Variants in SDC1 observed in about 807,000 individuals in gnomAD.
The protein encoded by SDC1 is syndecan 1.
Under a neutral mutation model 29.7 loss-of-function variants are expected in SDC1, and 14 were observed. The observed-to-expected ratio is 0.47, with a 90% CI of 0.31 to 0.74. The LOEUF is 0.74. Among genes scored for constraint, SDC1 ranks in the 30% least tolerant of loss-of-function variants. The pLI is 0.05. For synonymous variants in SDC1, 204 were observed against 175.5 expected (o/e 1.16, Z -1.29); for missense variants, 406 against 400.3 (o/e 1.01, Z -0.12).
chr2:20,223,343 G>GGA, intron 1 of SDC1: 1 of 1,247,342 alleles, frequency 8.0e-7, no homozygotes, highest in African/African-American at 1.5e-5. Context: ...CAACGCTTAC[G>GGA]GAGGGTCAGC....
At chr2:20,209,121 A>G (rs1321469971) in intron 1 of SDC1, among the ~76,000 whole-genome samples, 3 of 152,076 alleles carry the variant, frequency 2.0e-5, no homozygotes, top group Admixed American at 2.0e-4. Flanking sequence ...TACCCTGGGG[A>G]CCCTGGAGAG....
intron 1 of SDC1, among the ~76,000 whole-genome samples, chr2:20,223,846 T>A (rs939615592): frequency 6.6e-6 from 1 of 152,126 alleles, no homozygotes; most frequent in African/African-American, 2.4e-5. Context: ...CGTCCCTCTT[T>A]AGTGGAGCGT....
intron 1 of SDC1, among the ~76,000 whole-genome samples, chr2:20,209,389 C>G (rs1281775886): frequency 6.6e-6 from 1 of 152,226 alleles, no homozygotes; most frequent in Non-Finnish European, 1.5e-5. Context: ...ATCCCCTTCT[C>G]TCTCCCCAGC....
At chr2:20,223,102 C>T (rs1298593519) in intron 1 of SDC1, 3 of 437,030 alleles carry the variant, frequency 6.9e-6, no homozygotes, top group Admixed American at 3.5e-5. Flanking sequence ...AATCATGGCC[C>T]TCCCCGTGCT....
At chr2:20,218,339 A>G in intron 1 of SDC1, among the ~76,000 whole-genome samples, 1 of 152,236 alleles carries the variant, frequency 6.6e-6, no homozygotes, top group African/African-American at 2.4e-5. Context: ...GAAAAAGAGA[A>G]AAGGCCACCA....
At chr2:20,220,564 A>G (rs557078358) in intron 1 of SDC1, among the ~76,000 whole-genome samples, 3 of 152,368 alleles carry the variant, frequency 2.0e-5, no homozygotes, top group African/African-American at 7.2e-5. Flanking sequence ...AACCTTAATT[A>G]TATCGACAGC....
At chr2:20,205,692 C>T (rs1477787660) in intron 1 of SDC1, among the ~76,000 whole-genome samples, 2 of 152,066 alleles carry the variant, frequency 1.3e-5, no homozygotes, top group African/African-American at 4.8e-5. Context: ...CCCTGAGAAG[C>T]TCAGTCTGGT....
At chr2:20,217,309 T>C (rs1435421528) in intron 1 of SDC1, among the ~76,000 whole-genome samples, 1 of 152,132 alleles carries the variant, frequency 6.6e-6, no homozygotes, top group African/African-American at 2.4e-5. Context: ...CTGGACCAGA[T>C]ATGGAACTCT....
At chr2:20,205,307 C>T (rs565498567) in intron 2 of SDC1, 36 bp downstream of exon 2, 7 of 1,522,108 alleles carry the variant, frequency 4.6e-6, no homozygotes, top group South Asian at 1.1e-5. Context: ...GACCTGTTGC[C>T]GTCTTGGGTG....
chr2:20,216,346 G>GA (rs538340212), intron 1 of SDC1, among the ~76,000 whole-genome samples: 190 of 152,198 alleles, frequency 1.2e-3, no homozygotes, highest in Non-Finnish European at 2.1e-3. Context: ...TTGCCGCCCG[G>GA]ACCCTCCCCG....
At position 20,202,046 on chromosome 2, in the gene SDC1, A is replaced by G. The variant is rs1226267302; in HGVS notation, c.*720T>C. On this transcript the variant is annotated 3_prime_UTR_variant, in exon 5 of 5. Coordinates refer to ENST00000254351, the MANE Select transcript of SDC1 (RefSeq NM_002997.5). ...CACATGAGCGACAAACTCAAGAGACAACACACAAACTAAGCCTACATTTTG... is the reference window on the plus strand; with the variant it reads ...CACATGAGCGACAAACTCAAGAGACGACACACAAACTAAGCCTACATTTTG... The G allele has an allele frequency of 3.8e-6, 2 of 533,228 alleles. No homozygotes were observed. The highest frequency in any genetic ancestry group is 3.9e-5 in the African/African-American group (2 of 50,908). The allele number at this position is 533,228 out of a possible 1,614,324, so 33.0% of individuals were successfully genotyped here.
intron 1 of SDC1, among the ~76,000 whole-genome samples, chr2:20,217,876 A>G (rs1429583194): frequency 1.3e-5 from 2 of 152,076 alleles, no homozygotes; most frequent in Admixed American, 6.5e-5. Flanking sequence ...GGAGAACATC[A>G]TACAGCCCCA....
intron 1 of SDC1, among the ~76,000 whole-genome samples, chr2:20,213,039 C>T (rs1283246742): frequency 6.6e-6 from 1 of 152,226 alleles, no homozygotes. Flanking sequence ...CCCTGCACCG[C>T]ACTGCCTGCT....
chr2:20,207,632 G>A (rs1677321837), intron 1 of SDC1, among the ~76,000 whole-genome samples: 1 of 152,210 alleles, frequency 6.6e-6, no homozygotes, highest in African/African-American at 2.4e-5. Context: ...CTGAATCCGG[G>A]AGGCAAGAGG....
intron 1 of SDC1, among the ~76,000 whole-genome samples, chr2:20,222,443 G>C (rs1181306279): frequency 6.6e-6 from 1 of 152,156 alleles, no homozygotes; most frequent in Non-Finnish European, 1.5e-5. Flanking sequence ...AGAGGAAGAG[G>C]GCAGAACTGG....
intron 2 of SDC1, 116 bp from the exon 3 acceptor site, chr2:20,204,407 CT>C: frequency 8.5e-6 from 6 of 709,118 alleles, no homozygotes; most frequent in Non-Finnish European, 1.5e-5. Flanking sequence ...CAAGCTCAGG[CT>C]ATGAGGGAGG....
intron 1 of SDC1, among the ~76,000 whole-genome samples, chr2:20,216,025 G>A (rs557202472): frequency 1.3e-5 from 2 of 152,236 alleles, no homozygotes; most frequent in African/African-American, 4.8e-5. Context: ...CTCCAGACAA[G>A]ATCTCTAAGA....
chr2:20,213,751 C>T (rs1160822888), intron 1 of SDC1, among the ~76,000 whole-genome samples: 4 of 152,216 alleles, frequency 2.6e-5, no homozygotes, highest in Admixed American at 6.5e-5. Flanking sequence ...ACCTGGGGAC[C>T]GGGGCACCTC....
rs573161355 is a variant in SDC1 at position 20,221,545 on chromosome 2, G to C, written c.66+3257C>G. On this transcript the variant is annotated intron_variant, in intron 1 of 4. Transcript: ENST00000254351. ...TAGCATTTTTTGGTTGATAAAGGAA[G>C]GGAAATAAATACTTCAGAGAGTCAT... Among the ~76,000 whole-genome samples the C allele has an allele frequency of 3.9e-5, 6 of 152,268 alleles. No individual in the cohort carries two copies. The South Asian group carries it at 1.2e-3, about 32-fold the overall frequency.
Sources: allele counts gnomAD v4.1 joint callset (sites outside exome capture counted in the v4.1 genomes callset), GRCh38; gene constraint gnomAD v4.1.1; transcripts MANE v1.5; gene names NCBI Gene and HGNC (gene_info 2026-07-23, HGNC 2026-07-21).